TIAM2: variants seen among roughly 807,000 people sequenced by gnomAD.
TIAM2 encodes rho guanine nucleotide exchange factor TIAM2.
In TIAM2, 80 loss-of-function variants were observed where a neutral mutation model predicts 152.9. The observed-to-expected ratio is 0.52, with a 90% CI of 0.44 to 0.63. The LOEUF is 0.63. TIAM2 is among the 30% of genes least tolerant of loss of function. The pLI is 0.00. For missense variants in TIAM2, 1,965 were observed against 2,120.1 expected, an observed-to-expected ratio of 0.93 and a Z score of 1.44; for synonymous variants, 804 against 838.0, an observed-to-expected ratio of 0.96 and a Z score of 0.70.
Position 155,137,749 on chromosome 6 carries a change from T to C in TIAM2, c.1630+137T>C. On this transcript the variant is annotated intron_variant, in intron 5 of 26. Coordinates refer to ENST00000682666, the MANE Select transcript of TIAM2 (RefSeq NM_012454.4). ...ACACAGGATCCATGGGCTGCCTTCATGCAGATACTTTCTCACACCCGTGAA... is the reference window on the plus strand; with the variant it reads ...ACACAGGATCCATGGGCTGCCTTCACGCAGATACTTTCTCACACCCGTGAA... 3.4e-6 allele frequency: 3 copies of C among 893,894 alleles called. No homozygotes were observed. The Admixed American group carries it at 8.8e-5, about 26-fold the overall frequency. The allele number at this position is 893,894 out of a possible 1,614,324, so 55.4% of individuals were successfully genotyped here.
chr6:155,164,143 T>C (rs1475881646), intron 7 of TIAM2, among the ~76,000 whole-genome samples: 1 of 141,686 alleles, frequency 7.1e-6, no homozygotes, highest in African/African-American at 2.6e-5. Context: ...GTTTTTTTTT[T>C]TTCTTTTTTT....
intron 1 of TIAM2, among the ~76,000 whole-genome samples, chr6:155,058,708 C>G (rs868355586): frequency 2.6e-5 from 4 of 152,188 alleles, no homozygotes; most frequent in Non-Finnish European, 4.4e-5. Context: ...AGTCTTGGAG[C>G]TGGGATTTGA....
chr6:155,239,866 C>T (rs1385862395), intron 15 of TIAM2, among the ~76,000 whole-genome samples: 6 of 152,222 alleles, frequency 3.9e-5, no homozygotes, highest in East Asian at 1.9e-4. Context: ...CCTGCCTGTG[C>T]GCTCTGCAGG....
intron 6 of TIAM2, among the ~76,000 whole-genome samples, chr6:155,147,472 A>C (rs945425395): frequency 6.6e-6 from 1 of 151,244 alleles, no homozygotes; most frequent in Non-Finnish European, 1.5e-5. Context: ...ACACCCGGCT[A>C]ATTTTTGTGT....
At chr6:155,082,125 C>T (rs1353690959) in intron 1 of TIAM2, among the ~76,000 whole-genome samples, 1 of 152,120 alleles carries the variant, frequency 6.6e-6, no homozygotes, top group African/African-American at 2.4e-5. Flanking sequence ...GGGAGGATCA[C>T]TTGAGACCAA....
chr6:155,143,646 C>T (rs920408713), intron 5 of TIAM2, among the ~76,000 whole-genome samples: 5 of 152,136 alleles, frequency 3.3e-5, no homozygotes, highest in Non-Finnish European at 7.4e-5. Flanking sequence ...TGATGGTCAA[C>T]GGAGTGAGTG....
chr6:155,195,519 A>T (rs1781320307), intron 14 of TIAM2, among the ~76,000 whole-genome samples: 2 of 152,224 alleles, frequency 1.3e-5, no homozygotes, highest in African/African-American at 4.8e-5. Flanking sequence ...TAAACAGTGA[A>T]CACAGCAGGT....
intron 14 of TIAM2, among the ~76,000 whole-genome samples, chr6:155,201,275 G>A (rs1040955285): frequency 3.9e-5 from 6 of 152,284 alleles, no homozygotes; most frequent in Admixed American, 3.3e-4. Flanking sequence ...AATCTCATGT[G>A]TACTTTTGTC....
intron 1 of TIAM2, among the ~76,000 whole-genome samples, chr6:155,061,068 T>G (rs780321493): frequency 8.5e-5 from 13 of 152,212 alleles, no homozygotes; most frequent in Non-Finnish European, 1.8e-4. Flanking sequence ...GAGAATGATA[T>G]TTAGAAACCA....
intron 2 of TIAM2, among the ~76,000 whole-genome samples, chr6:155,126,419 C>T (rs1583203821): frequency 1.3e-5 from 2 of 152,254 alleles, no homozygotes; most frequent in South Asian, 4.1e-4. Flanking sequence ...GTACTTACTG[C>T]TGCCCTGTAC....
At chr6:155,083,829 T>C (rs188336663) in intron 1 of TIAM2, among the ~76,000 whole-genome samples, 1 of 152,344 alleles carries the variant, frequency 6.6e-6, no homozygotes, top group East Asian at 1.9e-4. Context: ...TAAAGTCTTA[T>C]ATGCTGGACA....
chr6:155,086,531 A>G lies in TIAM2; in HGVS notation c.-208-3758A>G, dbSNP rs534093795. ...AGACCAGCCTGACCAACATGGCAAA[A>G]CCCCATCTCTACTAAAAATACAAAA... On this transcript the variant is annotated intron_variant, in intron 1 of 26. Transcript: ENST00000682666. Among the ~76,000 whole-genome samples the G allele has an allele frequency of 7.2e-5, 11 of 152,064 alleles. No individual in the cohort carries two copies. In the South Asian group the frequency reaches 2.1e-3, roughly 29 times the overall value.
intron 7 of TIAM2, among the ~76,000 whole-genome samples, chr6:155,153,201 C>G (rs936188582): frequency 9.9e-5 from 15 of 152,042 alleles, no homozygotes; most frequent in African/African-American, 3.4e-4. Flanking sequence ...CTTCCTGTGT[C>G]CTCCCCACAC....
intron 1 of TIAM2, chr6:155,013,938 A>ACACACG (rs1252573032): frequency 6.6e-6 from 1 of 151,974 alleles, no homozygotes; most frequent in Non-Finnish European, 1.5e-5. Flanking sequence ...ACACACACAC[A>ACACACG]CACACACACA....
At chr6:154,996,890 T>A (rs1002527500) in intron 1 of TIAM2, among the ~76,000 whole-genome samples, 3 of 152,360 alleles carry the variant, frequency 2.0e-5, no homozygotes, top group East Asian at 3.9e-4. Flanking sequence ...GGTTTTTGTG[T>A]TGGGTAAATG....
chr6:154,997,092 G>A (rs1054432276), intron 1 of TIAM2, among the ~76,000 whole-genome samples: 4 of 152,066 alleles, frequency 2.6e-5, no homozygotes, highest in Admixed American at 1.3e-4. Context: ...TCCCCCGCTT[G>A]CACACTGCCT....
chr6:155,059,073 A>G (rs527744931), intron 1 of TIAM2, among the ~76,000 whole-genome samples: 1 of 152,280 alleles, frequency 6.6e-6, no homozygotes, highest in African/African-American at 2.4e-5. Flanking sequence ...TGATACAATA[A>G]TATTAACTAA....
Position 155,254,529 on chromosome 6 carries a change from G to T in TIAM2, c.4424G>T (p.Arg1475Leu), listed in dbSNP as rs1783881007. 1 of 1,613,986 alleles carries T rather than the reference G, an allele frequency of 6.2e-7. No homozygotes were observed. The highest frequency in any genetic ancestry group is 8.5e-7 in the Non-Finnish European group (1 of 1,179,876). The part of the protein sequence containing the change: ...ELPLEKTCKD[R>L]LVPLKNRVPV... ...CCACTGGAGAAAACGTGTAAGGATC[G>T]CCTGGTACCTCTTAAGAACCGAGTT... The change falls in exon 26 of 27, where the codon CGC (arginine) becomes CTC (leucine). Residue 1475 changes from arginine (R) to leucine (L), a missense_variant. Arg to Leu is a moderately radical substitution (Grantham distance 102, BLOSUM62 -2). Coordinates refer to ENST00000682666, the MANE Select transcript of TIAM2 (RefSeq NM_012454.4).
chr6:155,231,537 C>T lies in TIAM2; in HGVS notation c.3169-8993C>T, dbSNP rs117101213. Among the ~76,000 whole-genome samples the T allele has an allele frequency of 1.4e-4, 22 of 152,252 alleles. No homozygotes were observed. In the East Asian group the frequency reaches 1.9e-3, roughly 13 times the overall value. On this transcript the variant is annotated intron_variant, in intron 15 of 26. Transcript: ENST00000682666. ...CCACCACACCCTGCCAAGGGGCTGA[C>T]GTGCTGCCCTTTTCCTTCTCCACTC...
Sources: allele counts gnomAD v4.1 joint callset (sites outside exome capture counted in the v4.1 genomes callset), GRCh38; gene constraint gnomAD v4.1.1; transcripts MANE v1.5; gene names NCBI Gene and HGNC (gene_info 2026-07-23, HGNC 2026-07-21).